The following FMN2 variants were observed in gnomAD, a reference collection of about 807,000 sequenced individuals.
FMN2 encodes formin 2.
FMN2 carries 51 observed loss-of-function variants against 142.3 expected under a neutral mutation model. The ratio of observed to expected loss-of-function variants is 0.36; its 90% CI spans 0.29 to 0.45. FMN2 has a LOEUF of 0.45. Ranked by LOEUF, FMN2 falls within the 20% of genes least tolerant of loss-of-function variation. The pLI is 1.00. For missense variants in FMN2, 1,936 were observed against 2,122.8 expected (o/e 0.91, Z 1.73); for synonymous variants, 882 against 869.8 (o/e 1.01, Z -0.25).
At chr1:240,416,461 G>A (rs151123251) in intron 15 of FMN2, among the ~76,000 whole-genome samples, 1,711 of 152,092 alleles carry the variant, frequency 0.011, 38 homozygotes, top group African/African-American at 0.037. Context: ...GTAGAGACGG[G>A]GTTTCGCCAT....
chr1:240,352,386 A>G (rs1672124395), intron 13 of FMN2, among the ~76,000 whole-genome samples: 1 of 152,124 alleles, frequency 6.6e-6, no homozygotes. Flanking sequence ...GTTCAAGAAC[A>G]CCCTGGCCAA....
chr1:240,356,091 G>T (rs943611462), intron 14 of FMN2, among the ~76,000 whole-genome samples, 183 bp downstream of exon 14: 4 of 151,658 alleles, frequency 2.6e-5, no homozygotes, highest in Admixed American at 6.6e-5. Flanking sequence ...GTTGTAAGAG[G>T]CTAGCAATTT....
At chr1:240,182,919 C>CTTT (rs66527453) in intron 3 of FMN2, among the ~76,000 whole-genome samples, 1 of 138,352 alleles carries the variant, frequency 7.2e-6, no homozygotes, top group Non-Finnish European at 1.6e-5. Context: ...CTTTTCTTTT[C>CTTT]TTTTTTTTTT....
chr1:240,213,689 T>C (rs1666779020), intron 6 of FMN2, among the ~76,000 whole-genome samples: 1 of 152,246 alleles, frequency 6.6e-6, no homozygotes, highest in Non-Finnish European at 1.5e-5. Context: ...CATATGTTTA[T>C]GGAGGTATTT....
At chr1:240,104,007 G>A (rs1456280345) in intron 1 of FMN2, among the ~76,000 whole-genome samples, 1 of 151,676 alleles carries the variant, frequency 6.6e-6, no homozygotes, top group Non-Finnish European at 1.5e-5. Context: ...CTCCCGAGTA[G>A]CTGGGACTAC....
chr1:240,340,975 G>A (rs1225367251), intron 13 of FMN2, among the ~76,000 whole-genome samples: 1 of 151,992 alleles, frequency 6.6e-6, no homozygotes, highest in Non-Finnish European at 1.5e-5. Context: ...ATGTACATTG[G>A]TCTAATCCCT....
At position 240,159,905 on chromosome 1, in the gene FMN2, GTATA is replaced by G. The variant is rs34012500; in HGVS notation, c.1783-17992_1783-17989del. On this transcript the variant is annotated intron_variant, in intron 2 of 17. Transcript: ENST00000319653. ...TGGAGAGATATATATATATATCTGT[GTATA>G]TATATATATATATATATATATATTT... Among the ~76,000 whole-genome samples, 631 of 120,044 alleles carry G rather than the reference GTATA, an allele frequency of 5.3e-3. 4 individuals are homozygous for G. The highest frequency in any genetic ancestry group is 0.014 in the Middle Eastern group (3 of 208). The allele number at this position is 120,044 out of a possible 152,430, so 78.8% of individuals were successfully genotyped here.
intron 8 of FMN2, among the ~76,000 whole-genome samples, chr1:240,307,318 C>A (rs34935724): frequency 3.9e-5 from 6 of 152,080 alleles, no homozygotes; most frequent in Admixed American, 1.3e-4. Flanking sequence ...AAATGTTTGC[C>A]TAGACCAATG....
chr1:240,438,342 G>A (rs1422708449), intron 16 of FMN2, 132 bp downstream of exon 16: 34 of 974,112 alleles, frequency 3.5e-5, no homozygotes, highest in Non-Finnish European at 4.8e-5. Flanking sequence ...AAGTTGAAGA[G>A]GATGCTGACA....
At chr1:240,385,317 A>G (rs188793164) in intron 14 of FMN2, among the ~76,000 whole-genome samples, 2 of 152,286 alleles carry the variant, frequency 1.3e-5, no homozygotes, top group Admixed American at 1.3e-4. Context: ...TTTTCGTTTT[A>G]TCCGAAGGAT....
intron 2 of FMN2, among the ~76,000 whole-genome samples, chr1:240,128,610 G>C (rs181960317): frequency 2.6e-5 from 4 of 152,166 alleles, no homozygotes; most frequent in African/African-American, 9.7e-5. Flanking sequence ...AGATGGGCAA[G>C]AGCTCCTTGA....
At chr1:240,222,552 G>A (rs576011422) in intron 6 of FMN2, among the ~76,000 whole-genome samples, 260 of 151,974 alleles carry the variant, frequency 1.7e-3, no homozygotes, top group African/African-American at 6.1e-3. Flanking sequence ...GCTTGATGGG[G>A]GTAGCATTGA....
chr1:240,340,415 T>C (rs1671706938), intron 13 of FMN2, among the ~76,000 whole-genome samples: 1 of 152,026 alleles, frequency 6.6e-6, no homozygotes, highest in Admixed American at 6.6e-5. Flanking sequence ...ACCCCATCTC[T>C]ACTAAAAATA....
intron 16 of FMN2, among the ~76,000 whole-genome samples, chr1:240,452,749 G>A (rs2103212346): frequency 6.6e-6 from 1 of 152,262 alleles, no homozygotes; most frequent in East Asian, 1.9e-4. Flanking sequence ...TAAGAGAATT[G>A]CAGGTGCTCA....
Position 240,207,299 on chromosome 1 carries a change from G to C in FMN2, c.2487G>C (p.Pro829=), listed in dbSNP as rs1372491335. The part of the protein sequence containing the change: ...SAGQGQPGSQ[P]PHSISTEFQT... Reference sequence around the variant, plus strand: ...GGCAAGGACAGCCTGGGTCACAGCCGCCCCATTCTATTTCTACCGAGTTTC... The same window carrying C: ...GGCAAGGACAGCCTGGGTCACAGCCCCCCCATTCTATTTCTACCGAGTTTC... Residue 829 remains proline, a synonymous_variant, in exon 5 of 18, where the codon CCG becomes CCC. Coordinates refer to ENST00000319653, the MANE Select transcript of FMN2 (RefSeq NM_020066.5). 2.5e-6 allele frequency: 4 copies of C among 1,613,562 alleles called. No homozygotes were observed. Among genetic ancestry groups the C allele is most frequent in the Non-Finnish European group, 3.4e-6 (4 of 1,179,842 alleles).
At chr1:240,378,285 G>A (rs1673113442) in intron 14 of FMN2, among the ~76,000 whole-genome samples, 1 of 151,952 alleles carries the variant, frequency 6.6e-6, no homozygotes, top group Admixed American at 6.6e-5. Context: ...CAAGTAGCTG[G>A]GATTACAGGT....
intron 8 of FMN2, among the ~76,000 whole-genome samples, chr1:240,328,559 TTTTATTTA>T (rs200121171): frequency 0.35 from 48,924 of 140,080 alleles, 9,627 homozygotes; most frequent in Middle Eastern, 0.48. Context: ...TTACACTTTA[TTTTATTTA>T]TTTATTTATT....
chr1:240,331,030 C>T (rs1468816404), intron 11 of FMN2, among the ~76,000 whole-genome samples: 1 of 151,858 alleles, frequency 6.6e-6, no homozygotes, highest in Non-Finnish European at 1.5e-5. Context: ...TAATATAAAA[C>T]AATAATTTCT....
rs116450786 is a variant in FMN2, at chr1:240,257,724, T to A, written c.4066-221T>A. Among the ~76,000 whole-genome samples, 470 of 152,288 alleles carry A rather than the reference T, an allele frequency of 3.1e-3. 1 individual carries two copies. The highest frequency in any genetic ancestry group is 0.011 in the African/African-American group (458 of 41,554). On this transcript the variant is annotated intron_variant, in intron 6 of 17. Transcript: ENST00000319653. Reference sequence around the variant, plus strand: ...TGGTTAAAAAACATGTCTTTGAGGCTGATGGTGAATAATGGGGGAAAATGG... The same window carrying A: ...TGGTTAAAAAACATGTCTTTGAGGCAGATGGTGAATAATGGGGGAAAATGG...
Sources: gnomAD v4.1 joint callset for allele counts (sites outside exome capture counted in the v4.1 genomes callset) on GRCh38, gnomAD v4.1.1 for gene constraint, MANE v1.5 for transcripts, NCBI Gene and HGNC (gene_info 2026-07-23, HGNC 2026-07-21) for gene names.